Variants in SEMA6C observed in about 807,000 individuals in gnomAD.
SEMA6C encodes semaphorin 6C, also known as semaphorin-6C.
Under a neutral mutation model 72.9 loss-of-function variants are expected in SEMA6C, and 37 were observed. The observed-to-expected ratio is 0.51, with a 90% CI of 0.39 to 0.67. SEMA6C has a LOEUF of 0.67. Among genes scored for constraint, SEMA6C ranks in the 30% least tolerant of loss-of-function variants. SEMA6C has a pLI of 0.00. For missense variants in SEMA6C, 1,189 were observed against 1,263.6 expected (o/e 0.94, Z 0.89); for synonymous variants, 578 against 554.1 (o/e 1.04, Z -0.61).
At position 151,133,428 on chromosome 1, in the gene SEMA6C, C is replaced by A; in HGVS notation, c.1849G>T (p.Gly617Cys). 4.4e-6 allele frequency: 7 copies of A among 1,587,716 alleles called. No homozygotes were observed. Among genetic ancestry groups the A allele is most frequent in the Non-Finnish European group, 6.0e-6 (7 of 1,170,816 alleles). ...ACCAGGAGGCCAGAGACTGAGGCGC[C>A]CAGGGCAAAAGCTGCGGCCACACTG... Reference protein sequence around the residue: ...LASVAAAFALGASVSGLLVSC... With the variant: ...LASVAAAFALCASVSGLLVSC... Residue 617 changes from glycine (G) to cysteine (C), a missense_variant, in exon 19 of 19, where the codon GGC becomes TGC. This residue lies in a region of SEMA6C where 721 missense variants were observed against 686.2 expected (regional missense o/e 1.05). Coordinates refer to ENST00000368914, the MANE Select transcript of SEMA6C (RefSeq NM_030913.6). The surrounding 1 kb of genome is among the most constrained non-coding windows in gnomAD (Gnocchi z 5.9).
chr1:151,134,971 C>CA (rs1167237510), intron 15 of SEMA6C, 96 bp from the exon 16 acceptor site: 1 of 1,360,036 alleles, frequency 7.4e-7, no homozygotes, highest in African/African-American at 1.4e-5. Flanking sequence ...AGGAGGCTCC[C>CA]AGCCTCATTC....
intron 2 of SEMA6C, among the ~76,000 whole-genome samples, chr1:151,143,326 C>T (rs587701607): frequency 1.2e-4 from 18 of 152,234 alleles, no homozygotes; most frequent in African/African-American, 2.9e-4. Flanking sequence ...GGACTGTCTT[C>T]GCCAAAAATG....
At position 151,132,716 on chromosome 1, in the gene SEMA6C, A is replaced by T; in HGVS notation, c.2561T>A (p.Phe854Tyr). 1 of 1,486,152 alleles carries T rather than the reference A, an allele frequency of 6.7e-7. No homozygotes were observed. The highest frequency in any genetic ancestry group is 9.0e-7 in the Non-Finnish European group (1 of 1,116,976). The allele number at this position is 1,486,152 out of a possible 1,614,324, so 92.1% of individuals were successfully genotyped here. The part of the protein sequence containing the change: ...LGVGGGRRLP[F>Y]SGHRAPPALL... The stretch of plus-strand genomic sequence containing the variant: ...GGCAGGGGGGGCCCGGTGGCCGGAG[A>T]AAGGCAACCTCCGGCCTCCGCCGAC... The change falls in exon 19 of 19, where the codon TTC (phenylalanine) becomes TAC (tyrosine). Residue 854 changes from phenylalanine to tyrosine, a missense_variant. Around this residue, in one of 2 missense-constraint regions of SEMA6C, gnomAD observed 721 missense variants for 686.2 expected, o/e 1.05. Transcript: ENST00000368914.
At chr1:151,138,799 G>C (rs1572036371) in intron 6 of SEMA6C, 68 bp from the exon 7 acceptor site, 3 of 1,328,880 alleles carry the variant, frequency 2.3e-6, no homozygotes, top group Non-Finnish European at 1.1e-6. Flanking sequence ...GTAATAGAAA[G>C]GTGGGCTTAC....
At chr1:151,136,375 C>T in intron 12 of SEMA6C, 73 bp downstream of exon 12, 4 of 1,573,712 alleles carry the variant, frequency 2.5e-6, no homozygotes, top group Non-Finnish European at 8.6e-7. Flanking sequence ...ATCTCATTAC[C>T]TCCTCACAAT....
In SEMA6C at chr1:151,136,118, AGAG is replaced by A. The variant is rs762149821; in HGVS notation, c.1149_1151del (p.Ser385del). The A allele has an allele frequency of 2.9e-5, 47 of 1,614,030 alleles. No individual in the cohort carries two copies. The highest frequency in any genetic ancestry group is 3.6e-5 in the Non-Finnish European group (42 of 1,180,006). On this transcript the variant is annotated inframe_deletion, in exon 13 of 19. Coordinates refer to ENST00000368914, the MANE Select transcript of SEMA6C (RefSeq NM_030913.6). ...GGACATCATCAGGGAGGTCTCGGGAAGAGGAGAACAAGGCAGCTCCCCCTACTC... is the reference window on the plus strand; with the variant it reads ...GGACATCATCAGGGAGGTCTCGGGAAGAGAACAAGGCAGCTCCCCCTACTC...
At chr1:151,134,514 T>C (rs912965067) in intron 17 of SEMA6C, 69 bp from the exon 18 acceptor site, 24 of 1,604,550 alleles carry the variant, frequency 1.5e-5, no homozygotes, top group Middle Eastern at 1.7e-4. Flanking sequence ...GGGGTGACTG[T>C]GCCACAGAAG....
In SEMA6C at chr1:151,133,138, G is replaced by T. The variant is rs979157346; in HGVS notation, c.2139C>A (p.Arg713=). ...TCCACTCCCAGGGGTCCCCGGCGGC[G>T]CGGAGGTGCTTGACCGGCAGCTCCG... The part of the protein sequence containing the change: ...STPELPVKHL[R]AAGDPWEWNQ... The change falls in exon 19 of 19, where the codon CGC becomes CGA. Residue 713 remains arginine (R), a synonymous_variant. Coordinates refer to ENST00000368914, the MANE Select transcript of SEMA6C (RefSeq NM_030913.6). This position sits in a 1 kb window ranked among gnomAD's most constrained non-coding sequence, Gnocchi z 5.9. 1.3e-6 allele frequency: 2 copies of T among 1,560,544 alleles called. No homozygotes were observed. Among genetic ancestry groups the T allele is most frequent in the Non-Finnish European group, 1.7e-6 (2 of 1,165,332 alleles).
chr1:151,133,912 T>C lies in SEMA6C; in HGVS notation c.1760-395A>G, dbSNP rs1437656645. The C allele has an allele frequency of 1.4e-6, 2 of 1,431,408 alleles. No individual in the cohort carries two copies. The highest frequency in any genetic ancestry group is 1.9e-6 in the Non-Finnish European group (2 of 1,041,614). The allele number at this position is 1,431,408 out of a possible 1,614,324, so 88.7% of individuals were successfully genotyped here. On this transcript the variant is annotated intron_variant, in intron 18 of 18. Transcript: ENST00000368914. This position sits in a 1 kb window ranked among gnomAD's most constrained non-coding sequence, Gnocchi z 5.9. ...TGAGGGGCTTAGAACGCTCCGAGAATCAGCAGCCCCACACTTCACTCCTAT... is the reference window on the plus strand; with the variant it reads ...TGAGGGGCTTAGAACGCTCCGAGAACCAGCAGCCCCACACTTCACTCCTAT...
At position 151,134,880 on chromosome 1, in the gene SEMA6C, G is replaced by A; in HGVS notation, c.1581-5C>T. 6.2e-7 allele frequency: 1 copy of A among 1,612,686 alleles called. No homozygotes were observed. Among genetic ancestry groups the A allele is most frequent in the Non-Finnish European group, 8.5e-7 (1 of 1,178,714 alleles). ...TCCTGAGAAGCCAAACAGCTCCTAG[G>A]GAAAACGGAGGTGTGTGAGGCTGGA... On this transcript the variant is annotated splice_polypyrimidine_tract_variant and splice_region_variant and intron_variant, in intron 15 of 18. Coordinates refer to ENST00000368914, the MANE Select transcript of SEMA6C (RefSeq NM_030913.6).
In SEMA6C at chr1:151,133,269, C is replaced by T. The variant is rs761121357; in HGVS notation, c.2008G>A (p.Asp670Asn). 1.5e-5 allele frequency: 24 copies of T among 1,578,684 alleles called. No individual in the cohort carries two copies. Among genetic ancestry groups the T allele is most frequent in the Admixed American group, 5.3e-5 (3 of 56,906 alleles). Reference protein sequence around the residue: ...GGPEPPPPSKDGDAVQTPQLY... With the variant: ...GGPEPPPPSKNGDAVQTPQLY... ...TGCGGCGTCTGCACCGCGTCCCCGT[C>T]CTTGGAGGGCGGCGGGGGCTCTGGG... The change falls in exon 19 of 19, where the codon GAC (aspartate) becomes AAC (asparagine). Residue 670 changes from aspartate (D) to asparagine (N), a missense_variant. Around this residue, in one of 2 missense-constraint regions of SEMA6C, gnomAD observed 721 missense variants for 686.2 expected, o/e 1.05. Coordinates refer to ENST00000368914, the MANE Select transcript of SEMA6C (RefSeq NM_030913.6). This position sits in a 1 kb window ranked among gnomAD's most constrained non-coding sequence, Gnocchi z 5.9.
In SEMA6C at chr1:151,131,856, C is replaced by A. The variant is rs1165668768; in HGVS notation, c.*628G>T. On this transcript the variant is annotated 3_prime_UTR_variant, in exon 19 of 19. Coordinates refer to ENST00000368914, the MANE Select transcript of SEMA6C (RefSeq NM_030913.6). ...AGCCTCAACTAAACTTTACCGGGGT[C>A]CCCCTGGCCCTGGCTCACCTCGACA... The A allele has an allele frequency of 5.3e-5, 9 of 170,034 alleles. No homozygotes were observed. The highest frequency in any genetic ancestry group is 1.9e-4 in the East Asian group (1 of 5,340). The allele number at this position is 170,034 out of a possible 1,614,324, so 10.5% of individuals were successfully genotyped here. A position where few individuals can be genotyped will look rare whatever the true frequency, so the allele number is the denominator to read the frequency against.
intron 14 of SEMA6C, 67 bp downstream of exon 14, chr1:151,135,524 G>C (rs1044854324): frequency 6.5e-7 from 1 of 1,542,046 alleles, no homozygotes; most frequent in Non-Finnish European, 8.8e-7. Context: ...ACCTATTCCC[G>C]AATCTGCAGC....
chr1:151,138,245 C>T, intron 8 of SEMA6C, 71 bp downstream of exon 8: 1 of 1,588,006 alleles, frequency 6.3e-7, no homozygotes, highest in Admixed American at 1.7e-5. Context: ...GGGAAAGACC[C>T]ACTGGGAGAG....
chr1:151,142,069 T>C (rs1682601375), intron 3 of SEMA6C, among the ~76,000 whole-genome samples: 1 of 143,400 alleles, frequency 7.0e-6, no homozygotes, highest in Non-Finnish European at 1.5e-5. Context: ...TGAGACGGAG[T>C]CTCGCTCTGT....
chr1:151,133,351 A>G lies in SEMA6C; in HGVS notation c.1926T>C (p.Thr642=), dbSNP rs1291851090. The change falls in exon 19 of 19, where the codon ACT becomes ACC. Residue 642 remains threonine (T), a synonymous_variant. Transcript: ENST00000368914. The surrounding 1 kb of genome is among the most constrained non-coding windows in gnomAD (Gnocchi z 5.9). ...AHRRRGKDIE[T]PGLPRPLSLR... is the part of the protein sequence containing the mutation. ...GGGAGAGAGGGCGCGGGAGCCCCGG[A>G]GTCTCGATGTCCTTGCCCCGACGTC... 1 of 1,598,914 alleles carries G rather than the reference A, an allele frequency of 6.3e-7. No individual in the cohort carries two copies. Among genetic ancestry groups the G allele is most frequent in the Non-Finnish European group, 8.5e-7 (1 of 1,175,210 alleles).
rs371367546 is a variant in SEMA6C at position 151,139,607 on chromosome 1, C to T, written c.297+31G>A. On this transcript the variant is annotated intron_variant, in intron 5 of 18. Coordinates refer to ENST00000368914, the MANE Select transcript of SEMA6C (RefSeq NM_030913.6). The stretch of plus-strand genomic sequence containing the variant: ...TAGACCTTTCCCAGCCTCATCTCCA[C>T]GTCTGCACCTCTTCCCACACAGCCC... 11 of 1,606,018 alleles carry T rather than the reference C, an allele frequency of 6.8e-6. No individual in the cohort carries two copies. The African/African-American group carries it at 8.0e-5, about 12-fold the overall frequency.
In SEMA6C at chr1:151,133,219, A is replaced by G; in HGVS notation, c.2058T>C (p.Pro686=). The G allele has an allele frequency of 6.3e-7, 1 of 1,577,092 alleles. No individual in the cohort carries two copies. The highest frequency in any genetic ancestry group is 1.4e-5 in the African/African-American group (1 of 73,814). ...GCTCCGGCGGGGGCACGCCCTCCGG[A>G]GGCGGCAGGAAGGTGGTGTAGAGCT... ...TPQLYTTFLP[P]PEGVPPPELA... The change falls in exon 19 of 19, where the codon CCT becomes CCC. Residue 686 remains proline (P), a synonymous_variant. Coordinates refer to ENST00000368914, the MANE Select transcript of SEMA6C (RefSeq NM_030913.6). This position sits in a 1 kb window ranked among gnomAD's most constrained non-coding sequence, Gnocchi z 5.9.
chr1:151,138,626 G>C lies in SEMA6C; in HGVS notation c.456+4C>G. The C allele has an allele frequency of 1.9e-6, 3 of 1,612,930 alleles. No homozygotes were observed. The highest frequency in any genetic ancestry group is 2.2e-5 in the South Asian group (2 of 91,042). On this transcript the variant is annotated splice_donor_region_variant and intron_variant, in intron 7 of 18. Coordinates refer to ENST00000368914, the MANE Select transcript of SEMA6C (RefSeq NM_030913.6). Reference sequence around the variant, plus strand: ...CATCCTAACCCCCACCCTCTCTTTTGTACCCCATAGCTGCGGCACACAGGG... The same window carrying C: ...CATCCTAACCCCCACCCTCTCTTTTCTACCCCATAGCTGCGGCACACAGGG...
Sources: gnomAD v4.1 joint callset for allele counts (sites outside exome capture counted in the v4.1 genomes callset) on GRCh38, gnomAD v4.1.1 for gene constraint, gnomAD v4.1.1 regional missense constraint, Gnocchi (gnomAD v3.1) non-coding constraint, MANE v1.5 for transcripts, NCBI Gene and HGNC (gene_info 2026-07-23, HGNC 2026-07-21) for gene names.